Variants in IMMP2L observed in about 807,000 individuals in gnomAD.
IMMP2L encodes the protein inner mitochondrial membrane peptidase subunit 2.
In IMMP2L, 18 loss-of-function variants were observed where a neutral mutation model predicts 19.3. The observed-to-expected ratio is 0.93, with a 90% CI of 0.64 to 1.38. The LOEUF is 1.38. IMMP2L is among the 40% of genes most tolerant of loss of function. The pLI is 0.00. For synonymous variants in IMMP2L, 76 were observed against 73.0 expected (o/e 1.04, Z -0.21); for missense variants, 233 against 218.2 (o/e 1.07, Z -0.43).
At chr7:111,408,775 TA>T (rs1834118365) in intron 3 of IMMP2L, among the ~76,000 whole-genome samples, 1 of 151,760 alleles carries the variant, frequency 6.6e-6, no homozygotes, top group Non-Finnish European at 1.5e-5. Flanking sequence ...ATATTTTTTT[TA>T]AATATGAAGG....
intron 3 of IMMP2L, among the ~76,000 whole-genome samples, chr7:111,375,291 T>A (rs1200961208): frequency 6.6e-6 from 1 of 152,006 alleles, no homozygotes; most frequent in African/African-American, 2.4e-5. Flanking sequence ...AGTAGTCTTA[T>A]GAGACAGTAA....
At chr7:111,556,725 A>G (rs1009049755) in intron 1 of IMMP2L, among the ~76,000 whole-genome samples, 1 of 152,106 alleles carries the variant, frequency 6.6e-6, no homozygotes, top group Admixed American at 6.5e-5. Context: ...CTCTAAGACT[A>G]ATTTTTAGCC....
chr7:111,224,996 G>C (rs951251051), intron 3 of IMMP2L, among the ~76,000 whole-genome samples: 1 of 152,100 alleles, frequency 6.6e-6, no homozygotes, highest in African/African-American at 2.4e-5. Flanking sequence ...AGCACTCACT[G>C]CAACTAGAGT....
chr7:110,716,389 G>A (rs12705732), intron 5 of IMMP2L, among the ~76,000 whole-genome samples: 54,032 of 151,924 alleles, frequency 0.36, 11,827 homozygotes, highest in East Asian at 0.63. Flanking sequence ...TTGCTTTATA[G>A]GGTCTGAGGG....
At chr7:110,831,265 TCTCTAA>T (rs1803947094) in intron 5 of IMMP2L, among the ~76,000 whole-genome samples, 1 of 152,152 alleles carries the variant, frequency 6.6e-6, no homozygotes, top group Non-Finnish European at 1.5e-5. Flanking sequence ...CAACAGCTTC[TCTCTAA>T]CTTTTCTGTT....
At chr7:110,847,058 T>A (rs797004730) in intron 5 of IMMP2L, among the ~76,000 whole-genome samples, 9 of 152,316 alleles carry the variant, frequency 5.9e-5, no homozygotes, top group African/African-American at 2.2e-4. Flanking sequence ...AATATTTTGT[T>A]ATGTCACATT....
In IMMP2L at chr7:110,907,207, G is replaced by A. The variant is rs561816065; in HGVS notation, c.306-20512C>T. ...GACAGCCTTTTGCGCCCACACTTAC[G>A]GCACCCAAGTTTTTGCCCAACATCC... On this transcript the variant is annotated intron_variant, in intron 4 of 5. Transcript: ENST00000405709. 2.8e-4 allele frequency among the ~76,000 whole-genome samples: 43 copies of A among 152,176 alleles called. No individual in the cohort carries two copies. The South Asian group carries it at 6.8e-3, about 24-fold the overall frequency.
chr7:110,888,330 G>A (rs1810443132), intron 4 of IMMP2L, among the ~76,000 whole-genome samples: 1 of 152,134 alleles, frequency 6.6e-6, no homozygotes, highest in South Asian at 2.1e-4. Flanking sequence ...TATTCTACAT[G>A]AAATGTTAAT....
chr7:110,844,001 G>T (rs1435017870), intron 5 of IMMP2L, among the ~76,000 whole-genome samples: 1 of 152,122 alleles, frequency 6.6e-6, no homozygotes, highest in African/African-American at 2.4e-5. Flanking sequence ...TAAGACTTAG[G>T]ATCTAAGTGA....
chr7:111,443,617 C>T lies in IMMP2L; in HGVS notation c.239+43621G>A, dbSNP rs555617757. ...TCCAGACTGCACAGAACAGAACTCT[C>T]CTCAAAATATCCCAGAAGGACTTCA... On this transcript the variant is annotated intron_variant, in intron 3 of 5. Transcript: ENST00000405709. 2.4e-4 allele frequency among the ~76,000 whole-genome samples: 37 copies of T among 152,258 alleles called. 1 individual carries two copies. The highest frequency in any genetic ancestry group is 3.4e-3 in the Middle Eastern group (1 of 294).
At chr7:111,178,235 G>A (rs1039818192) in intron 3 of IMMP2L, among the ~76,000 whole-genome samples, 1 of 152,016 alleles carries the variant, frequency 6.6e-6, no homozygotes, top group Non-Finnish European at 1.5e-5. Flanking sequence ...ACACTATACT[G>A]TACTTTATTA....
At chr7:111,415,302 C>A (rs893414315) in intron 3 of IMMP2L, among the ~76,000 whole-genome samples, 3 of 151,710 alleles carry the variant, frequency 2.0e-5, no homozygotes, top group African/African-American at 7.3e-5. Flanking sequence ...ATGCCAACAA[C>A]CACATGAACA....
Position 110,795,938 on chromosome 7 carries a change from A to G in IMMP2L, c.408+90655T>C, listed in dbSNP as rs185197378. 2.0e-3 allele frequency among the ~76,000 whole-genome samples: 303 copies of G among 152,170 alleles called. 1 individual carries two copies. The highest frequency in any genetic ancestry group is 7.0e-3 in the African/African-American group (293 of 41,566). On this transcript the variant is annotated intron_variant, in intron 5 of 5. Transcript: ENST00000405709. Reference sequence around the variant, plus strand: ...TGTCCCCACCCAAATCTGATCTTGAATTGTAGTTCCCATAATCTCCACGTG... The same window carrying G: ...TGTCCCCACCCAAATCTGATCTTGAGTTGTAGTTCCCATAATCTCCACGTG...
chr7:111,218,961 C>G (rs1010410505), intron 3 of IMMP2L, among the ~76,000 whole-genome samples: 6 of 151,952 alleles, frequency 3.9e-5, no homozygotes, highest in African/African-American at 1.4e-4. Flanking sequence ...ATAACAAATA[C>G]ATCCACAACT....
chr7:111,131,356 T>C lies in IMMP2L; in HGVS notation c.240-167791A>G, dbSNP rs1801830348. Among the ~76,000 whole-genome samples the C allele has an allele frequency of 1.3e-5, 2 of 151,992 alleles. 1 individual carries two copies. Among genetic ancestry groups the C allele is most frequent in the South Asian group, 4.1e-4 (2 of 4,828 alleles). ...CAGTGCAACGCTTGAGATATTCTGT[T>C]GACGCATGCATAGAAAATAATAAAT... On this transcript the variant is annotated intron_variant, in intron 3 of 5. Transcript: ENST00000405709.
chr7:111,010,475 C>T (rs771021102), intron 3 of IMMP2L, among the ~76,000 whole-genome samples: 1 of 152,090 alleles, frequency 6.6e-6, no homozygotes, highest in Non-Finnish European at 1.5e-5. Context: ...TCAAGCAGTA[C>T]ATCCTAACAG....
intron 5 of IMMP2L, among the ~76,000 whole-genome samples, chr7:110,842,924 C>T (rs925971539): frequency 6.6e-6 from 1 of 151,914 alleles, no homozygotes; most frequent in East Asian, 1.9e-4. Flanking sequence ...AGCAGGCTAC[C>T]CGAATGGAAA....
intron 1 of IMMP2L, among the ~76,000 whole-genome samples, chr7:111,550,052 T>G (rs1425579558): frequency 2.0e-5 from 3 of 151,970 alleles, no homozygotes; most frequent in Non-Finnish European, 4.4e-5. Context: ...TATTAATATT[T>G]AACAAAACTA....
At chr7:111,355,772 A>G (rs889392482) in intron 3 of IMMP2L, among the ~76,000 whole-genome samples, 1 of 151,994 alleles carries the variant, frequency 6.6e-6, no homozygotes, top group African/African-American at 2.4e-5. Context: ...TTAACTAAGG[A>G]GAACATACAA....
Sources: allele counts gnomAD v4.1 joint callset (sites outside exome capture counted in the v4.1 genomes callset), GRCh38; gene constraint gnomAD v4.1.1; transcripts MANE v1.5; gene names NCBI Gene and HGNC (gene_info 2026-07-23, HGNC 2026-07-21).